Variants in HUWE1 observed in about 807,000 individuals in gnomAD.
HUWE1 encodes E3 ubiquitin-protein ligase HUWE1.
HUWE1 carries 18 observed loss-of-function variants against 299.4 expected under a neutral mutation model. That is an observed-to-expected ratio of 0.06 (90% confidence interval 0.04 to 0.09). The LOEUF is 0.09. Among genes scored for constraint, HUWE1 ranks in the 10% least tolerant of loss-of-function variants. The pLI, the probability that HUWE1 is intolerant of heterozygous loss-of-function variation, is 1.00. For synonymous variants in HUWE1, 1,317 were observed against 1,286.1 expected (o/e 1.02, Z -0.51); for missense variants, 1,832 against 3,462.3 (o/e 0.53, Z 11.82).
rs2070436853 is a variant in HUWE1, at chrX:53,686,656, T to TCCCTGCTC, written c.-331_-330insGAGCAGGG. The TCCCTGCTC allele has an allele frequency of 1.0e-5, 1 of 99,831 alleles. No individual in the cohort carries two copies. 8.2% of individuals were successfully genotyped at this position (99,831 alleles called of 1,213,427 possible). A position where few individuals can be genotyped will look rare whatever the true frequency, so the allele number is the denominator to read the frequency against. ...TCCGCGGCCCTGCTTCAGCCCTGCTTCAGCCCTGCTCCAGCCCTGCTCCAG... is the reference window on the plus strand; with the variant it reads ...TCCGCGGCCCTGCTTCAGCCCTGCTTCCCTGCTCCAGCCCTGCTCCAGCCCTGCTCCAG... On this transcript the variant is annotated 5_prime_UTR_variant, in exon 1 of 84. Coordinates refer to ENST00000262854, the MANE Select transcript of HUWE1 (RefSeq NM_031407.7).
At chrX:53,666,443 T>C (rs782642655) in intron 3 of HUWE1, among the ~76,000 whole-genome samples, 23 of 112,048 alleles carry the variant, frequency 2.1e-4, no homozygotes, top group Non-Finnish European at 4.3e-4. Flanking sequence ...CATTATGCTT[T>C]TTTCTATTTT....
At chrX:53,633,077 A>G (rs1460171219) in intron 8 of HUWE1, among the ~76,000 whole-genome samples, 1 of 112,508 alleles carries the variant, frequency 8.9e-6, no homozygotes, top group Non-Finnish European at 1.9e-5. Flanking sequence ...TTCCTTCTAT[A>G]CCATTCTACA....
At position 53,588,601 on chromosome X, in the gene HUWE1, T is replaced by C. The variant is rs932193975; in HGVS notation, c.4462-67A>G. ...CAAGATGAGGTTTCTGAAAATATTC[T>C]CAACCTTTTAAAATACTCCCTCTGC... On this transcript the variant is annotated intron_variant, in intron 36 of 83. Coordinates refer to ENST00000262854, the MANE Select transcript of HUWE1 (RefSeq NM_031407.7). 18 of 1,061,159 alleles carry C rather than the reference T, an allele frequency of 1.7e-5. 1 individual carries two copies. Among genetic ancestry groups the C allele is most frequent in the Non-Finnish European group, 2.1e-5 (16 of 779,636 alleles). 87.5% of individuals were successfully genotyped at this position (1,061,159 alleles called of 1,213,427 possible).
At chrX:53,580,784 C>A (rs1219854776) in intron 43 of HUWE1, 47 bp downstream of exon 43, 1 of 1,155,489 alleles carries the variant, frequency 8.7e-7, no homozygotes, top group East Asian at 3.0e-5. Context: ...TGGATTTATA[C>A]CAGGCCACAA....
At chrX:53,674,106 A>G (rs1310379409) in intron 3 of HUWE1, among the ~76,000 whole-genome samples, 2 of 111,829 alleles carry the variant, frequency 1.8e-5, no homozygotes, top group Non-Finnish European at 3.8e-5. Flanking sequence ...TAATGACTAA[A>G]AATGACCTTA....
At chrX:53,550,583 C>T in intron 66 of HUWE1, 83 bp downstream of exon 66, 2 of 883,405 alleles carry the variant, frequency 2.3e-6, no homozygotes, top group Non-Finnish European at 3.3e-6. Context: ...GTCAGGATTT[C>T]AGCTTCTCCA....
chrX:53,542,332 A>G, intron 74 of HUWE1, 111 bp downstream of exon 74: 1 of 582,453 alleles, frequency 1.7e-6, no homozygotes, highest in South Asian at 2.3e-5. Flanking sequence ...GGTTTACTGG[A>G]ACAAATGGGA....
At chrX:53,557,781 A>G (rs1318928226) in intron 59 of HUWE1, among the ~76,000 whole-genome samples, 2 of 111,308 alleles carry the variant, frequency 1.8e-5, no homozygotes, top group East Asian at 5.6e-4. Context: ...TATTTTGTCC[A>G]CTCTAGTCTT....
chrX:53,556,815 T>C (rs963340252), intron 60 of HUWE1, among the ~76,000 whole-genome samples: 4 of 112,356 alleles, frequency 3.6e-5, no homozygotes, highest in Non-Finnish European at 7.5e-5. Context: ...AGAAAAAACA[T>C]CCAATCAACA....
In HUWE1 at chrX:53,564,597, C is replaced by A; in HGVS notation, c.7006G>T (p.Val2336Leu). Residue 2336 changes from valine to leucine, a missense_variant, in exon 51 of 84, where the codon GTG becomes TTG. Transcript: ENST00000262854. ...ACCTGCATCTCTTGTGAACTGAGCA[C>A]CTCAGGCTGCCCAGCAATCACCACT... ...DSVVIAGQPE[V>L]LSSQEMQVEN... 8.3e-7 allele frequency: 1 copy of A among 1,211,133 alleles called. No homozygotes were observed. The highest frequency in any genetic ancestry group is 1.1e-6 in the Non-Finnish European group (1 of 895,510).
chrX:53,585,681 A>T (rs1430931736), intron 39 of HUWE1, among the ~76,000 whole-genome samples: 1 of 111,960 alleles, frequency 8.9e-6, no homozygotes, highest in African/African-American at 3.3e-5. Flanking sequence ...TGTACAGTTT[A>T]TATTAAATAT....
chrX:53,575,554 G>T, intron 45 of HUWE1, 89 bp downstream of exon 45: 1 of 979,269 alleles, frequency 1.0e-6, no homozygotes, highest in Non-Finnish European at 1.4e-6. Context: ...TAATATCTTT[G>T]AAATTCCCCG....
intron 23 of HUWE1, among the ~76,000 whole-genome samples, chrX:53,610,079 A>G (rs782269548): frequency 1.6e-4 from 18 of 111,465 alleles, no homozygotes; most frequent in Admixed American, 9.5e-5. Flanking sequence ...CCATGAGAAG[A>G]CCACAAACCT....
chrX:53,644,803 G>A (rs1206169803), intron 7 of HUWE1, among the ~76,000 whole-genome samples: 1 of 111,937 alleles, frequency 8.9e-6, no homozygotes, highest in African/African-American at 3.3e-5. Flanking sequence ...GGGAACACTG[G>A]ACAATAGTTT....
rs1284589275 is a variant in HUWE1 at position 53,685,177 on chromosome X, C to T, written c.-163+1093G>A. Among the ~76,000 whole-genome samples, 3 of 112,135 alleles carry T rather than the reference C, an allele frequency of 2.7e-5. No homozygotes were observed. The East Asian group carries it at 8.3e-4, about 31-fold the overall frequency. ...TTTAATAGCCAGTAGTACAAATATC[C>T]CTATCTTTACTTACGTTTTAAAATA... On this transcript the variant is annotated intron_variant, in intron 2 of 83. Transcript: ENST00000262854.
intron 17 of HUWE1, 120 bp from the exon 18 acceptor site, chrX:53,625,378 G>A (rs2066416023): frequency 1.2e-5 from 6 of 510,279 alleles, no homozygotes; most frequent in East Asian, 3.4e-5. Context: ...GAAGACATTC[G>A]AAGTGAGGTC....
At chrX:53,640,732 A>C (rs1603233661) in intron 7 of HUWE1, among the ~76,000 whole-genome samples, 1 of 112,157 alleles carries the variant, frequency 8.9e-6, no homozygotes, top group African/African-American at 3.2e-5. Flanking sequence ...CAATCATTTA[A>C]GCAGTCCTTT....
At chrX:53,625,413 A>C in intron 17 of HUWE1, 155 bp from the exon 18 acceptor site, 3 of 417,441 alleles carry the variant, frequency 7.2e-6, no homozygotes, top group Non-Finnish European at 1.3e-5. Flanking sequence ...AGAATACTTA[A>C]TTAAGCTTTG....
At chrX:53,602,094 ATT>A (rs1283114255) in intron 28 of HUWE1, among the ~76,000 whole-genome samples, 2 of 112,406 alleles carry the variant, frequency 1.8e-5, no homozygotes, top group African/African-American at 6.5e-5. Flanking sequence ...ATTAAAAAGT[ATT>A]TGTTAATACC....
Sources: allele counts gnomAD v4.1 joint callset (sites outside exome capture counted in the v4.1 genomes callset), GRCh38; gene constraint gnomAD v4.1.1; transcripts MANE v1.5; gene names NCBI Gene and HGNC (gene_info 2026-07-23, HGNC 2026-07-21).